ENTREP2: variants seen among roughly 807,000 people sequenced by gnomAD.
ENTREP2 encodes the protein protein ENTREP2.
At chr15:29,539,925 C>A in the ENTREP2 span, among the ~76,000 whole-genome samples, 1 of 152,140 alleles carries the variant, frequency 6.6e-6, no homozygotes, top group Non-Finnish European at 1.5e-5. Flanking sequence ...CACCTAGCTG[C>A]AAACGTGGCC....
the ENTREP2 span, among the ~76,000 whole-genome samples, chr15:29,674,128 T>TGGGG: frequency 1.3e-3 from 62 of 46,100 alleles, 2 homozygotes; most frequent in South Asian, 8.3e-3. Flanking sequence ...CTGCAGAGGA[T>TGGGG]GGGGGGGGGG....
chr15:29,644,359 A>T, the ENTREP2 span, among the ~76,000 whole-genome samples: 2 of 152,242 alleles, frequency 1.3e-5, no homozygotes, highest in African/African-American at 4.8e-5. Flanking sequence ...TAACCCTATG[A>T]ATATATACTA....
the ENTREP2 span, among the ~76,000 whole-genome samples, chr15:29,423,937 T>C: frequency 0.27 from 41,644 of 152,164 alleles, 5,878 homozygotes; most frequent in Non-Finnish European, 0.31. Context: ...AAATGAGGCT[T>C]ACATTGTGTC....
the ENTREP2 span, among the ~76,000 whole-genome samples, chr15:29,157,782 T>C: frequency 6.6e-6 from 1 of 151,338 alleles, no homozygotes; most frequent in Non-Finnish European, 1.5e-5. Flanking sequence ...CAGGCTGGAA[T>C]GCAGTGGCGC....
the ENTREP2 span, among the ~76,000 whole-genome samples, chr15:29,171,182 G>A: frequency 8.5e-5 from 13 of 152,176 alleles, no homozygotes; most frequent in Non-Finnish European, 1.6e-4. Flanking sequence ...TGGCATTGAG[G>A]ATTATGTTTC....
the ENTREP2 span, among the ~76,000 whole-genome samples, chr15:29,473,070 G>A: frequency 6.6e-6 from 1 of 152,090 alleles, no homozygotes; most frequent in Non-Finnish European, 1.5e-5. Flanking sequence ...GCAGGGGAGG[G>A]GCAGCTCACC....
At chr15:29,279,862 G>A in the ENTREP2 span, among the ~76,000 whole-genome samples, 10 of 151,938 alleles carry the variant, frequency 6.6e-5, no homozygotes, top group Admixed American at 1.3e-4. Context: ...CTACCTGGAG[G>A]GAGCAAGAAA....
chr15:29,145,643 A>C, the ENTREP2 span, among the ~76,000 whole-genome samples: 2 of 151,136 alleles, frequency 1.3e-5, no homozygotes, highest in South Asian at 2.1e-4. Flanking sequence ...AAAAAAAAAA[A>C]AACAACCAAC....
chr15:29,632,251 G>A, the ENTREP2 span, among the ~76,000 whole-genome samples: 1 of 152,110 alleles, frequency 6.6e-6, no homozygotes, highest in African/African-American at 2.4e-5. Flanking sequence ...TTTTCCAAGG[G>A]TCCTTATGAT....
At chr15:29,252,916 CAT>C in the ENTREP2 span, among the ~76,000 whole-genome samples, 1 of 152,140 alleles carries the variant, frequency 6.6e-6, no homozygotes, top group Non-Finnish European at 1.5e-5. Context: ...AATGAAGGCA[CAT>C]GTGTCCATCA....
the ENTREP2 span, among the ~76,000 whole-genome samples, chr15:29,446,402 C>G: frequency 6.6e-6 from 1 of 151,980 alleles, no homozygotes; most frequent in Admixed American, 6.6e-5. Context: ...TTTCCTGGAA[C>G]AGGTTCCCCA....
At chr15:29,224,330 G>C in the ENTREP2 span, among the ~76,000 whole-genome samples, 1 of 152,156 alleles carries the variant, frequency 6.6e-6, no homozygotes, top group Non-Finnish European at 1.5e-5. Flanking sequence ...CAAAGAGTGA[G>C]CAGCAGCAAC....
At chr15:29,591,181 C>T in the ENTREP2 span, among the ~76,000 whole-genome samples, 1 of 152,146 alleles carries the variant, frequency 6.6e-6, no homozygotes, top group African/African-American at 2.4e-5. Flanking sequence ...TGTGGCAAAT[C>T]AATTCCTTCT....
At chr15:29,645,197 G>A in the ENTREP2 span, among the ~76,000 whole-genome samples, 17 of 152,294 alleles carry the variant, frequency 1.1e-4, no homozygotes, top group African/African-American at 4.1e-4. Flanking sequence ...CCAATCTGCA[G>A]AGCTCACTCC....
At chr15:29,127,439 G>A in the ENTREP2 span, among the ~76,000 whole-genome samples, 13 of 152,206 alleles carry the variant, frequency 8.5e-5, no homozygotes, top group East Asian at 5.8e-4. Flanking sequence ...TTTTCCCTGC[G>A]TCTGTGAGCC....
At chr15:29,599,186 G>C in the ENTREP2 span, among the ~76,000 whole-genome samples, 1 of 152,214 alleles carries the variant, frequency 6.6e-6, no homozygotes, top group African/African-American at 2.4e-5. Flanking sequence ...TGCATCACAG[G>C]ACATGTCAGG....
the ENTREP2 span, among the ~76,000 whole-genome samples, chr15:29,643,780 C>CAAAAAAAAA: frequency 1.4e-5 from 1 of 70,108 alleles, no homozygotes; most frequent in Non-Finnish European, 3.4e-5. Context: ...GACTCTGTCT[C>CAAAAAAAAA]AAAAAAAAAA....
At chr15:29,586,013 T>C in the ENTREP2 span, among the ~76,000 whole-genome samples, 14 of 152,102 alleles carry the variant, frequency 9.2e-5, no homozygotes, top group Non-Finnish European at 2.1e-4. Context: ...CAAAAACTAA[T>C]ATACAAATAT....
the ENTREP2 span, among the ~76,000 whole-genome samples, chr15:29,283,035 C>T: frequency 6.6e-6 from 1 of 152,156 alleles, no homozygotes. Flanking sequence ...GACCAAAGAC[C>T]AGAGTCCAGC....
Sources: gnomAD v4.1 joint callset for allele counts (sites outside exome capture counted in the v4.1 genomes callset) on GRCh38, gnomAD v4.1.1 for gene constraint, MANE v1.5 for transcripts, NCBI Gene and HGNC (gene_info 2026-07-23, HGNC 2026-07-21) for gene names.